The following CCDC7 variants were observed in gnomAD, a reference collection of about 807,000 sequenced individuals.
CCDC7 encodes the protein coiled-coil domain containing 7.
A neutral mutation model predicts 196.9 loss-of-function variants in CCDC7; 183 were observed. The ratio of observed to expected loss-of-function variants is 0.93; its 90% CI spans 0.82 to 1.05. The LOEUF (loss-of-function observed/expected upper bound fraction) is 1.05. CCDC7 is among the 50% of genes least tolerant of loss of function. The probability of loss-of-function intolerance (pLI) is 0.00; values close to 1 mark genes in which losing one functional copy is unlikely to be tolerated. For missense variants in CCDC7, 1,540 were observed against 1,482.2 expected (o/e 1.04, Z -0.64); for synonymous variants, 525 against 484.6 (o/e 1.08, Z -1.10).
At chr10:32,655,045 G>T (rs1400065022) in intron 20 of CCDC7, among the ~76,000 whole-genome samples, 1 of 152,170 alleles carries the variant, frequency 6.6e-6, no homozygotes, top group Non-Finnish European at 1.5e-5. Context: ...AGGTCAAATA[G>T]ATATATACCT....
At chr10:32,881,343 AT>A (rs1408711322), downstream of CCDC7, among the ~76,000 whole-genome samples, 1 of 152,172 alleles carries the variant, frequency 6.6e-6, no homozygotes, top group Admixed American at 6.5e-5. Context: ...ATAAAATTAA[AT>A]TTTAATAGGT....
chr10:32,567,032 A>C (rs560074695), intron 14 of CCDC7, among the ~76,000 whole-genome samples: 1 of 145,494 alleles, frequency 6.9e-6, no homozygotes, highest in African/African-American at 2.5e-5. Context: ...TAACCTTTCT[A>C]ATATAGCTAA....
At chr10:32,861,950 A>G (rs2094003576) in intron 41 of CCDC7, among the ~76,000 whole-genome samples, 1 of 152,178 alleles carries the variant, frequency 6.6e-6, no homozygotes, top group African/African-American at 2.4e-5. Flanking sequence ...AAACAGGAAC[A>G]CTTTTACACT....
At chr10:32,677,113 G>C (rs1449897010) in intron 21 of CCDC7, among the ~76,000 whole-genome samples, 2 of 148,090 alleles carry the variant, frequency 1.4e-5, no homozygotes, top group African/African-American at 2.5e-5. Context: ...ACTATTGCAA[G>C]GACAAAAAAC....
chr10:32,534,912 A>G (rs2050228219), intron 11 of CCDC7, among the ~76,000 whole-genome samples: 1 of 151,912 alleles, frequency 6.6e-6, no homozygotes, highest in African/African-American at 2.4e-5. Context: ...CTGAGGGTTA[A>G]AGCAAGTACA....
intron 25 of CCDC7, among the ~76,000 whole-genome samples, chr10:32,713,674 G>A (rs2081177330): frequency 6.6e-6 from 1 of 152,134 alleles, no homozygotes; most frequent in Non-Finnish European, 1.5e-5. Context: ...TCTATTGGGG[G>A]GCCCATCAAT....
intron 18 of CCDC7, among the ~76,000 whole-genome samples, chr10:32,585,286 G>T (rs2059151750): frequency 6.6e-6 from 1 of 152,138 alleles, no homozygotes; most frequent in Non-Finnish European, 1.5e-5. Context: ...TGTTAGACAG[G>T]ATGGTCTCGA....
At chr10:32,741,678 T>C (rs1421914743) in intron 28 of CCDC7, among the ~76,000 whole-genome samples, 1 of 152,160 alleles carries the variant, frequency 6.6e-6, no homozygotes, top group African/African-American at 2.4e-5. Context: ...ATGAAAAAAA[T>C]GTGTTAGTGA....
At chr10:32,610,222 A>G (rs1252862409) in intron 18 of CCDC7, among the ~76,000 whole-genome samples, 1 of 151,982 alleles carries the variant, frequency 6.6e-6, no homozygotes, top group Admixed American at 6.6e-5. Context: ...CTCCTGCCTC[A>G]GCCTCCCGAG....
chr10:32,483,163 G>C lies in CCDC7; in HGVS notation c.797-8759G>C, dbSNP rs2040314392. Among the ~76,000 whole-genome samples, 4 of 152,264 alleles carry C rather than the reference G, an allele frequency of 2.6e-5. No individual in the cohort carries two copies. The South Asian group carries it at 8.3e-4, about 32-fold the overall frequency. ...CTCCACATCCTCTCCAGCACCTGTT[G>C]TTTCCTGACTTTTTAATGATCACCA... On this transcript the variant is annotated intron_variant, in intron 8 of 41. Transcript: ENST00000639629.
chr10:32,794,640 A>G (rs1241789268), intron 29 of CCDC7, among the ~76,000 whole-genome samples: 3 of 152,110 alleles, frequency 2.0e-5, no homozygotes, highest in Non-Finnish European at 4.4e-5. Context: ...GTGATATGTT[A>G]TCTCATGGCT....
intron 18 of CCDC7, among the ~76,000 whole-genome samples, chr10:32,598,442 C>T (rs2060648672): frequency 6.6e-6 from 1 of 152,198 alleles, no homozygotes; most frequent in South Asian, 2.1e-4. Flanking sequence ...TCCCTGATCC[C>T]TTGAGCTTCC....
At chr10:32,451,699 A>G (rs769605208) in exon 1 of CCDC7, 1 of 1,613,904 alleles carries the variant, frequency 6.2e-7, no homozygotes, top group Non-Finnish European at 8.5e-7. Context: ...ATGTTCCAGC[A>G]TTAACTACTA....
chr10:32,715,198 A>T (rs890735063), intron 25 of CCDC7, among the ~76,000 whole-genome samples: 1 of 152,182 alleles, frequency 6.6e-6, no homozygotes, highest in Non-Finnish European at 1.5e-5. Context: ...TTCCAGAGGA[A>T]AGAGCAGGCA....
chr10:32,640,502 A>G (rs557984755), intron 20 of CCDC7, among the ~76,000 whole-genome samples: 5 of 152,084 alleles, frequency 3.3e-5, no homozygotes, highest in Non-Finnish European at 7.4e-5. Flanking sequence ...CTTTTAGCCT[A>G]TTTACATTTA....
At chr10:32,782,156 A>G (rs2081155369) in intron 29 of CCDC7, among the ~76,000 whole-genome samples, 1 of 152,220 alleles carries the variant, frequency 6.6e-6, no homozygotes, top group Non-Finnish European at 1.5e-5. Flanking sequence ...AATGCTGAAA[A>G]CAATTAAGAA....
Position 32,545,979 on chromosome 10 carries a change from C to T in CCDC7, c.1134+1678C>T, listed in dbSNP as rs556671607. Among the ~76,000 whole-genome samples the T allele has an allele frequency of 2.7e-5, 4 of 149,236 alleles. No homozygotes were observed. The East Asian group carries it at 8.0e-4, about 30-fold the overall frequency. ...CATGTTGGTGAGGCAGCCTTAGGCT[C>T]TAGTGCAGAAGAATAGAGAAGGAGA... is the stretch of plus-strand genomic sequence containing the variant. On this transcript the variant is annotated intron_variant, in intron 13 of 41. Transcript: ENST00000639629.
chr10:32,688,432 TTC>T (rs2076711771), intron 22 of CCDC7, among the ~76,000 whole-genome samples: 1 of 152,210 alleles, frequency 6.6e-6, no homozygotes, highest in Admixed American at 6.5e-5. Context: ...TGGTTTATCT[TTC>T]TGTGTTTATT....
chr10:32,839,372 CA>C (rs1428085807), intron 33 of CCDC7, among the ~76,000 whole-genome samples: 1 of 151,622 alleles, frequency 6.6e-6, no homozygotes, highest in African/African-American at 2.4e-5. Flanking sequence ...TTACATTAGA[CA>C]AAACAAACCT....
Sources: allele counts gnomAD v4.1 joint callset (sites outside exome capture counted in the v4.1 genomes callset), GRCh38; gene constraint gnomAD v4.1.1; transcripts MANE v1.5; gene names NCBI Gene and HGNC (gene_info 2026-07-23, HGNC 2026-07-21).